Variants in CCDC85C observed in about 807,000 individuals in gnomAD.
The protein encoded by CCDC85C is coiled-coil domain-containing protein 85C.
CCDC85C carries 18 observed loss-of-function variants against 38.3 expected under a neutral mutation model. The ratio of observed to expected loss-of-function variants is 0.47; its 90% CI spans 0.33 to 0.70. The LOEUF is 0.70. CCDC85C is among the 30% of genes least tolerant of loss of function. CCDC85C has a pLI of 0.03. For synonymous variants in CCDC85C, 264 were observed against 293.8 expected, an observed-to-expected ratio of 0.90 and a Z score of 1.04; for missense variants, 566 against 621.2, an observed-to-expected ratio of 0.91 and a Z score of 0.94.
chr14:99,526,327 C>T (rs1449617157), intron 2 of CCDC85C, among the ~76,000 whole-genome samples: 1 of 152,248 alleles, frequency 6.6e-6, no homozygotes, highest in East Asian at 1.9e-4. Context: ...GCAGCTCCTG[C>T]AGGCACTAAC....
In CCDC85C at chr14:99,510,189, G is replaced by A; in HGVS notation, c.*5057C>T. The A allele has an allele frequency of 6.3e-7, 1 of 1,598,874 alleles. No homozygotes were observed. Among genetic ancestry groups the A allele is most frequent in the Non-Finnish European group, 8.5e-7 (1 of 1,175,944 alleles). On this transcript the variant is annotated 3_prime_UTR_variant, in exon 6 of 6. Transcript: ENST00000380243. Reference sequence around the variant, plus strand: ...GCCTCCCCTCGCTGCTGCCTTAGGTGAGGCTGAGCCGCCGGGCCCTGTGGA... The same window carrying A: ...GCCTCCCCTCGCTGCTGCCTTAGGTAAGGCTGAGCCGCCGGGCCCTGTGGA...
intron 5 of CCDC85C, among the ~76,000 whole-genome samples, chr14:99,515,807 A>G (rs977576858): frequency 6.6e-6 from 1 of 151,986 alleles, no homozygotes; most frequent in Non-Finnish European, 1.5e-5. Flanking sequence ...TCTGAGCACC[A>G]TCTGCCCAGC....
intron 1 of CCDC85C, chr14:99,573,077 A>C (rs11625867): frequency 0.14 from 43,719 of 323,824 alleles, 3,196 homozygotes; most frequent in South Asian, 0.18. Flanking sequence ...AGTGAAGCCT[A>C]AGCTGTTTCC....
In CCDC85C at chr14:99,515,064, TGGC is replaced by T; in HGVS notation, c.*179_*181del. 1 of 544,048 alleles carries T rather than the reference TGGC, an allele frequency of 1.8e-6. No homozygotes were observed. Among genetic ancestry groups the T allele is most frequent in the East Asian group, 3.0e-5 (1 of 32,826 alleles). 33.7% of individuals were successfully genotyped at this position (544,048 alleles called of 1,614,324 possible). Reference sequence around the variant, plus strand: ...GGTTGCTGGTGTATGAGGCGGGAGATGGCGGCTTGGGCCAGTGCATCGGACCCA... The same window carrying T: ...GGTTGCTGGTGTATGAGGCGGGAGATGGCTTGGGCCAGTGCATCGGACCCA... On this transcript the variant is annotated 3_prime_UTR_variant, in exon 6 of 6. Coordinates refer to ENST00000380243, the MANE Select transcript of CCDC85C (RefSeq NM_001144995.2).
chr14:99,534,492 G>A (rs112343559), intron 2 of CCDC85C, among the ~76,000 whole-genome samples: 241 of 152,240 alleles, frequency 1.6e-3, no homozygotes, highest in African/African-American at 5.5e-3. Flanking sequence ...TCACTGACCC[G>A]GGGGCCCGAG....
intron 1 of CCDC85C, among the ~76,000 whole-genome samples, chr14:99,567,086 G>A (rs1013412411): frequency 1.2e-4 from 19 of 152,148 alleles, no homozygotes; most frequent in African/African-American, 4.6e-4. Context: ...CCCCTCCAAC[G>A]CGGCCCATCT....
Position 99,588,717 on chromosome 14 carries a change from G to T in CCDC85C, c.793+14450C>A, listed in dbSNP as rs2139984369. Among the ~76,000 whole-genome samples the T allele has an allele frequency of 6.6e-6, 1 of 152,038 alleles. No individual in the cohort carries two copies. Among genetic ancestry groups the T allele is most frequent in the South Asian group, 2.1e-4 (1 of 4,800 alleles). ...CACTTGGAAGGTGGTCCTGAAGTAA[G>T]AAACCAGGCCACTGCAGGTCTTCAA... is the stretch of plus-strand genomic sequence containing the variant. On this transcript the variant is annotated intron_variant, in intron 1 of 5. Coordinates refer to ENST00000380243, the MANE Select transcript of CCDC85C (RefSeq NM_001144995.2). This position sits in a 1 kb window ranked among gnomAD's most constrained non-coding sequence, Gnocchi z 5.0.
Position 99,572,732 on chromosome 14 carries a change from C to T in CCDC85C, c.793+30435G>A, listed in dbSNP as rs116815742. ...TCCTAGCACTCACCAGGATATGAAA[C>T]TGTCCCATCCATGGATTTGTTTGCC... On this transcript the variant is annotated intron_variant, in intron 1 of 5. Coordinates refer to ENST00000380243, the MANE Select transcript of CCDC85C (RefSeq NM_001144995.2). The surrounding 1 kb of genome is among the most constrained non-coding windows in gnomAD (Gnocchi z 4.4). 439 of 456,094 alleles carry T rather than the reference C, an allele frequency of 9.6e-4. No homozygotes were observed. Among genetic ancestry groups the T allele is most frequent in the African/African-American group, 7.9e-3 (394 of 50,190 alleles). 28.3% of individuals were successfully genotyped at this position (456,094 alleles called of 1,614,324 possible).
chr14:99,570,162 C>A (rs1307442207), intron 1 of CCDC85C, among the ~76,000 whole-genome samples: 1 of 152,076 alleles, frequency 6.6e-6, no homozygotes, highest in Non-Finnish European at 1.5e-5. Flanking sequence ...CCTCACATAC[C>A]TCATCCCATC....
chr14:99,558,180 G>A lies in CCDC85C; in HGVS notation c.794-22092C>T, dbSNP rs1004932335. Among the ~76,000 whole-genome samples, 12 of 152,178 alleles carry A rather than the reference G, an allele frequency of 7.9e-5. No homozygotes were observed. Among genetic ancestry groups the A allele is most frequent in the Non-Finnish European group, 1.6e-4 (11 of 68,034 alleles). ...TGGACTGATGGCAGAGAACTCAGCC[G>A]TGTGAAAGCCACTGGCCTTCATCAT... is the stretch of plus-strand genomic sequence containing the variant. On this transcript the variant is annotated intron_variant, in intron 1 of 5. Transcript: ENST00000380243. The surrounding 1 kb of genome is among the most constrained non-coding windows in gnomAD (Gnocchi z 4.2).
At position 99,502,783 on chromosome 14, in the gene CCDC85C, C is replaced by T. The variant is rs1896867101; in HGVS notation, c.*12463G>A. ...AACAACAGATGCCTCATCACACCCC[C>T]CATCAGCTGCAACAGCCCCCATCTC... On this transcript the variant is annotated 3_prime_UTR_variant, in exon 6 of 6. Coordinates refer to ENST00000380243, the MANE Select transcript of CCDC85C (RefSeq NM_001144995.2). 1 of 1,613,766 alleles carries T rather than the reference C, an allele frequency of 6.2e-7. No individual in the cohort carries two copies. The highest frequency in any genetic ancestry group is 1.3e-5 in the African/African-American group (1 of 74,864).
Position 99,510,286 on chromosome 14 carries a change from T to A in CCDC85C, c.*4960A>T. Reference sequence around the variant, plus strand: ...GCCCCTGTGCACCAGCCACCGCCGCTGCCACACCGGCCCCCGCCCCCACCC... The same window carrying A: ...GCCCCTGTGCACCAGCCACCGCCGCAGCCACACCGGCCCCCGCCCCCACCC... On this transcript the variant is annotated 3_prime_UTR_variant, in exon 6 of 6. Transcript: ENST00000380243. 1 of 1,137,052 alleles carries A rather than the reference T, an allele frequency of 8.8e-7. No homozygotes were observed. The highest frequency in any genetic ancestry group is 1.1e-6 in the Non-Finnish European group (1 of 873,058). 70.4% of individuals were successfully genotyped at this position (1,137,052 alleles called of 1,614,324 possible). A position where few individuals can be genotyped will look rare whatever the true frequency, so the allele number is the denominator to read the frequency against.
chr14:99,535,647 C>A lies in CCDC85C; in HGVS notation c.867+368G>T, dbSNP rs1897581312. On this transcript the variant is annotated intron_variant, in intron 2 of 5. Coordinates refer to ENST00000380243, the MANE Select transcript of CCDC85C (RefSeq NM_001144995.2). This position sits in a 1 kb window ranked among gnomAD's most constrained non-coding sequence, Gnocchi z 5.5. ...CCAGGGAGGTACCGGCCAGTGAGTC[C>A]AGCACGGCAGAGGCGGGGAGGCTTC... Among the ~76,000 whole-genome samples, 1 of 152,154 alleles carries A rather than the reference C, an allele frequency of 6.6e-6. No homozygotes were observed. Among genetic ancestry groups the A allele is most frequent in the Admixed American group, 6.5e-5 (1 of 15,278 alleles).
chr14:99,573,683 C>T (rs931779434), intron 1 of CCDC85C, among the ~76,000 whole-genome samples: 15 of 152,338 alleles, frequency 9.8e-5, no homozygotes, highest in Non-Finnish European at 1.9e-4. Context: ...CTCTAAATAA[C>T]GCCAACCTCC....
rs1299294475 is a variant in CCDC85C at position 99,558,270 on chromosome 14, C to G, written c.794-22182G>C. 1.3e-5 allele frequency among the ~76,000 whole-genome samples: 2 copies of G among 152,212 alleles called. No homozygotes were observed. Among genetic ancestry groups the G allele is most frequent in the Non-Finnish European group, 2.9e-5 (2 of 68,046 alleles). Reference sequence around the variant, plus strand: ...CTACCGTAGCAAGCCGAGCAGTGTCCTTCCAAATTCATGTCCGCCCAGAAC... The same window carrying G: ...CTACCGTAGCAAGCCGAGCAGTGTCGTTCCAAATTCATGTCCGCCCAGAAC... On this transcript the variant is annotated intron_variant, in intron 1 of 5. Coordinates refer to ENST00000380243, the MANE Select transcript of CCDC85C (RefSeq NM_001144995.2). The surrounding 1 kb of genome is among the most constrained non-coding windows in gnomAD (Gnocchi z 4.2).
intron 1 of CCDC85C, among the ~76,000 whole-genome samples, chr14:99,595,284 CT>C (rs1284841084): frequency 6.6e-6 from 1 of 152,184 alleles, no homozygotes; most frequent in Non-Finnish European, 1.5e-5. Context: ...TGAGATGAGT[CT>C]TGCTCTGTGG....
chr14:99,590,465 C>G (rs1406255633), intron 1 of CCDC85C, among the ~76,000 whole-genome samples: 1 of 152,144 alleles, frequency 6.6e-6, no homozygotes, highest in African/African-American at 2.4e-5. Flanking sequence ...GATGGGTTGT[C>G]GGGGGTACCG....
Position 99,507,307 on chromosome 14 carries a change from T to G in CCDC85C, c.*7939A>C, listed in dbSNP as rs531781022. The G allele has an allele frequency of 1.2e-5, 8 of 653,314 alleles. No individual in the cohort carries two copies. The highest frequency in any genetic ancestry group is 9.0e-5 in the African/African-American group (5 of 55,446). The allele number at this position is 653,314 out of a possible 1,614,324, so 40.5% of individuals were successfully genotyped here. On this transcript the variant is annotated 3_prime_UTR_variant, in exon 6 of 6. Coordinates refer to ENST00000380243, the MANE Select transcript of CCDC85C (RefSeq NM_001144995.2). ...AAAATTGTTCTTGGGCTGGGCACAA[T>G]GGCTTGTGTTTTTGATCCCAGCACT...
At chr14:99,555,166 T>G (rs1595083084) in intron 1 of CCDC85C, among the ~76,000 whole-genome samples, 1 of 152,252 alleles carries the variant, frequency 6.6e-6, no homozygotes, top group East Asian at 1.9e-4. Context: ...CCTCCCTCTG[T>G]GTAATCACGC....
Sources: allele counts gnomAD v4.1 joint callset (sites outside exome capture counted in the v4.1 genomes callset), GRCh38; gene constraint gnomAD v4.1.1; non-coding constraint Gnocchi (gnomAD v3.1); transcripts MANE v1.5; gene names NCBI Gene and HGNC (gene_info 2026-07-23, HGNC 2026-07-21).